STX8: variants seen among roughly 807,000 people sequenced by gnomAD.
STX8 encodes the protein syntaxin 8.
Under a neutral mutation model 37.5 loss-of-function variants are expected in STX8, and 23 were observed. The observed-to-expected ratio is 0.61, with a 90% confidence interval of 0.44 to 0.87. The LOEUF (loss-of-function observed/expected upper bound fraction) is 0.87. Among genes scored for constraint, STX8 ranks in the 40% least tolerant of loss-of-function variants. The pLI is 0.00. For missense variants in STX8, 313 were observed against 284.7 expected, an observed-to-expected ratio of 1.10 and a Z score of -0.71; for synonymous variants, 115 against 99.1, an observed-to-expected ratio of 1.16 and a Z score of -0.95.
intron 6 of STX8, among the ~76,000 whole-genome samples, chr17:9,447,961 G>C (rs911039688): frequency 6.6e-6 from 1 of 151,660 alleles, no homozygotes; most frequent in Non-Finnish European, 1.5e-5. Context: ...GGCAGATCAC[G>C]AGGTCAGGAG....
chr17:9,290,851 T>G (rs747511997), intron 7 of STX8, among the ~76,000 whole-genome samples: 7 of 152,218 alleles, frequency 4.6e-5, no homozygotes, highest in Admixed American at 6.5e-5. Flanking sequence ...TGCTTCTTAT[T>G]AGGGTGCAGT....
chr17:9,345,848 C>CTTTTTTTTTTTTTT (rs545020159), intron 7 of STX8, among the ~76,000 whole-genome samples: 1,166 of 52,080 alleles, frequency 0.022, 350 homozygotes, highest in Non-Finnish European at 0.031. Context: ...TTATGCATTC[C>CTTTTTTTTTTTTTT]TTTTTTTTTT....
intron 6 of STX8, chr17:9,461,453 G>C (rs1470871433): frequency 6.6e-6 from 1 of 152,212 alleles, no homozygotes; most frequent in Non-Finnish European, 1.5e-5. Flanking sequence ...TTGGGTGCTA[G>C]AGATAGAGAC....
intron 3 of STX8, chr17:9,548,587 A>C (rs1377036717): frequency 6.6e-6 from 1 of 152,238 alleles, no homozygotes; most frequent in Non-Finnish European, 1.5e-5. Flanking sequence ...CCACATTGGA[A>C]ATATCAATAA....
At chr17:9,422,757 A>G (rs1229604722) in intron 6 of STX8, among the ~76,000 whole-genome samples, 1 of 152,278 alleles carries the variant, frequency 6.6e-6, no homozygotes, top group East Asian at 1.9e-4. Flanking sequence ...GGCCTGGCCC[A>G]CAAAGCTTAC....
At chr17:9,348,151 C>T (rs906350314) in intron 7 of STX8, among the ~76,000 whole-genome samples, 3 of 151,906 alleles carry the variant, frequency 2.0e-5, no homozygotes, top group South Asian at 4.2e-4. Flanking sequence ...ACCTGCTGGG[C>T]GCGGTGGCTC....
rs375679874 is a variant in STX8 at position 9,378,772 on chromosome 17, C to T, written c.542-119G>A. 14 of 735,988 alleles carry T rather than the reference C, an allele frequency of 1.9e-5. No individual in the cohort carries two copies. The African/African-American group carries it at 2.1e-4, about 11-fold the overall frequency. The allele number at this position is 735,988 out of a possible 1,614,324, so 45.6% of individuals were successfully genotyped here. A position where few individuals can be genotyped will look rare whatever the true frequency, so the allele number is the denominator to read the frequency against. ...CTCGAGTGCAGTAACTGAAAAGGTA[C>T]AGAACTCATGTCGATTCTTTGAAAA... On this transcript the variant is annotated intron_variant, in intron 6 of 7. Transcript: ENST00000306357.
chr17:9,251,478 G>A (rs1047645636), intron 7 of STX8, among the ~76,000 whole-genome samples: 3 of 152,222 alleles, frequency 2.0e-5, no homozygotes, highest in Non-Finnish European at 4.4e-5. Flanking sequence ...CTACTACAAA[G>A]TAAGCACTCA....
rs1911670788 is a variant in STX8 at position 9,378,330 on chromosome 17, A to G, written c.643+222T>C. 8.6e-6 allele frequency: 4 copies of G among 466,848 alleles called. No homozygotes were observed. The Admixed American group carries it at 1.1e-4, about 13-fold the overall frequency. 28.9% of individuals were successfully genotyped at this position (466,848 alleles called of 1,614,324 possible). The stretch of plus-strand genomic sequence containing the variant: ...CAGAAAGGACTTTTAAATTAAAAAC[A>G]AAAACAACAACAAAAAAACAATGAA... On this transcript the variant is annotated intron_variant, in intron 7 of 7. Coordinates refer to ENST00000306357, the MANE Select transcript of STX8 (RefSeq NM_004853.3).
intron 6 of STX8, among the ~76,000 whole-genome samples, chr17:9,420,385 C>G (rs1036125642): frequency 6.6e-6 from 1 of 152,306 alleles, no homozygotes; most frequent in East Asian, 1.9e-4. Flanking sequence ...CAAGTTAGCT[C>G]TCTTCCTTCG....
chr17:9,486,488 C>A (rs1327208190), intron 6 of STX8, among the ~76,000 whole-genome samples: 1 of 152,148 alleles, frequency 6.6e-6, no homozygotes, highest in African/African-American at 2.4e-5. Flanking sequence ...TGATGTGATT[C>A]TTTGTGGTGG....
At chr17:9,373,504 T>C (rs7217758) in intron 7 of STX8, among the ~76,000 whole-genome samples, 20,651 of 152,106 alleles carry the variant, frequency 0.14, 4,155 homozygotes, top group African/African-American at 0.44. Context: ...AAGCCAGATA[T>C]AAAAGTATAC....
At chr17:9,496,840 T>C (rs1160447889) in intron 5 of STX8, among the ~76,000 whole-genome samples, 1 of 152,096 alleles carries the variant, frequency 6.6e-6, no homozygotes, top group African/African-American at 2.4e-5. Flanking sequence ...GGGAGCCCTC[T>C]AGAAGCTACA....
intron 7 of STX8, among the ~76,000 whole-genome samples, chr17:9,281,461 C>T (rs1332724765): frequency 6.6e-6 from 1 of 151,714 alleles, no homozygotes; most frequent in East Asian, 1.9e-4. Flanking sequence ...GGAATTGCTG[C>T]GAGCAAGTTT....
intron 6 of STX8, among the ~76,000 whole-genome samples, chr17:9,441,718 A>C (rs375904481): frequency 1.0e-4 from 13 of 125,798 alleles, no homozygotes; most frequent in South Asian, 2.6e-4. Context: ...GCTCTGTGCC[A>C]AGGCTGGAGT....
chr17:9,366,414 T>C (rs1911231315), intron 7 of STX8, among the ~76,000 whole-genome samples: 1 of 152,130 alleles, frequency 6.6e-6, no homozygotes, highest in Non-Finnish European at 1.5e-5. Flanking sequence ...GTATTTTTAG[T>C]AGAGATGGGG....
At chr17:9,384,075 C>T (rs145213230) in intron 6 of STX8, among the ~76,000 whole-genome samples, 1 of 152,010 alleles carries the variant, frequency 6.6e-6, no homozygotes, top group Admixed American at 6.6e-5. Context: ...TTCCCACCTA[C>T]AGTATAAAAG....
At chr17:9,374,447 T>C (rs1196375779) in intron 7 of STX8, among the ~76,000 whole-genome samples, 3 of 152,150 alleles carry the variant, frequency 2.0e-5, no homozygotes, top group Non-Finnish European at 2.9e-5. Flanking sequence ...CTCAGTAAGT[T>C]CCACAATATG....
chr17:9,436,231 G>T (rs1904426207), intron 6 of STX8, among the ~76,000 whole-genome samples: 1 of 151,546 alleles, frequency 6.6e-6, no homozygotes, highest in African/African-American at 2.4e-5. Context: ...TGTAGTCCCA[G>T]CTACTTGGGG....
Sources: gnomAD v4.1 joint callset for allele counts (sites outside exome capture counted in the v4.1 genomes callset) on GRCh38, gnomAD v4.1.1 for gene constraint, MANE v1.5 for transcripts, NCBI Gene and HGNC (gene_info 2026-07-23, HGNC 2026-07-21) for gene names.